MSRA: variants seen among roughly 807,000 people sequenced by gnomAD.
MSRA encodes mitochondrial peptide methionine sulfoxide reductase.
MSRA carries 54 observed loss-of-function variants against 31.3 expected under a neutral mutation model. That is an observed-to-expected ratio of 1.73 (90% CI 1.39 to 2.17). MSRA has a LOEUF of 2.17. Among genes scored for constraint, MSRA ranks in the 30% most tolerant of loss-of-function variants. The pLI is 0.00. For synonymous variants in MSRA, 169 were observed against 116.5 expected (o/e 1.45, Z -2.90); for missense variants, 507 against 300.9 (o/e 1.69, Z -5.07).
intron 5 of MSRA, among the ~76,000 whole-genome samples, chr8:10,326,207 G>C (rs1393498183): frequency 6.6e-6 from 1 of 152,196 alleles, no homozygotes; most frequent in Non-Finnish European, 1.5e-5. Context: ...AGCTTCTTCA[G>C]CAGCTTCTTT....
At chr8:10,116,774 C>A (rs1461990295) in intron 1 of MSRA, among the ~76,000 whole-genome samples, 1 of 152,064 alleles carries the variant, frequency 6.6e-6, no homozygotes, top group South Asian at 2.1e-4. Flanking sequence ...GTGAGACCAG[C>A]CTGACCAACA....
chr8:10,242,945 A>T (rs1339692361), intron 2 of MSRA, among the ~76,000 whole-genome samples: 1 of 152,180 alleles, frequency 6.6e-6, no homozygotes, highest in Non-Finnish European at 1.5e-5. Flanking sequence ...GCCCACCTGC[A>T]TCCTGGTCAT....
intron 3 of MSRA, among the ~76,000 whole-genome samples, chr8:10,255,851 T>G (rs1356535050): frequency 6.6e-6 from 1 of 151,958 alleles, no homozygotes; most frequent in East Asian, 1.9e-4. Context: ...CTGTTTTTTG[T>G]TTAAAGAGCA....
At chr8:10,409,246 T>G (rs1808009944) in intron 5 of MSRA, among the ~76,000 whole-genome samples, 1 of 152,266 alleles carries the variant, frequency 6.6e-6, no homozygotes, top group African/African-American at 2.4e-5. Flanking sequence ...TTTTTGACTT[T>G]TTAATAGTAG....
intron 5 of MSRA, among the ~76,000 whole-genome samples, chr8:10,360,972 T>C (rs1056562662): frequency 1.3e-5 from 2 of 152,220 alleles, no homozygotes; most frequent in Admixed American, 1.3e-4. Context: ...CAGCAGTCAC[T>C]TGTCTGCTTC....
chr8:10,079,849 G>C (rs1246058431), intron 1 of MSRA, among the ~76,000 whole-genome samples: 1 of 152,122 alleles, frequency 6.6e-6, no homozygotes, highest in Admixed American at 6.5e-5. Context: ...CTATTAATTT[G>C]CTGTGCAGCT....
intron 1 of MSRA, among the ~76,000 whole-genome samples, chr8:10,104,341 A>G (rs1171220268): frequency 2.6e-5 from 4 of 152,212 alleles, no homozygotes; most frequent in Admixed American, 6.5e-5. Context: ...AAGGTTAAGG[A>G]TGCATCTGTG....
At chr8:10,095,132 G>A (rs1417392558) in intron 1 of MSRA, among the ~76,000 whole-genome samples, 1 of 152,174 alleles carries the variant, frequency 6.6e-6, no homozygotes, top group African/African-American at 2.4e-5. Context: ...TTTGCGGCAG[G>A]ACAAGGAAAA....
chr8:10,319,751 A>G, intron 4 of MSRA, 132 bp from the exon 5 acceptor site: 1 of 448,032 alleles, frequency 2.2e-6, no homozygotes, highest in East Asian at 3.5e-5. Context: ...GAAAATTAAA[A>G]CAAGCACTTA....
At position 10,357,217 on chromosome 8, in the gene MSRA, G is replaced by A. The variant is rs577060601; in HGVS notation, c.543+37228G>A. On this transcript the variant is annotated intron_variant, in intron 5 of 5. Transcript: ENST00000317173. The stretch of plus-strand genomic sequence containing the variant: ...TTGCTTTACTGAGAGTTGCAAAATC[G>A]TATTATTTCAACTCTATGAATTTGT... 1.6e-4 allele frequency among the ~76,000 whole-genome samples: 24 copies of A among 152,314 alleles called. No individual in the cohort carries two copies. In the South Asian group the frequency reaches 2.9e-3, roughly 18 times the overall value.
At chr8:10,165,678 CAT>C (rs2129044119) in intron 1 of MSRA, among the ~76,000 whole-genome samples, 1 of 152,274 alleles carries the variant, frequency 6.6e-6, no homozygotes, top group Non-Finnish European at 1.5e-5. Flanking sequence ...AATCAGGACA[CAT>C]AGTCTTGTAA....
At position 10,151,629 on chromosome 8, in the gene MSRA, G is replaced by A. The variant is rs542160586; in HGVS notation, c.143-56204G>A. Among the ~76,000 whole-genome samples the A allele has an allele frequency of 2.6e-5, 4 of 152,312 alleles. No homozygotes were observed. The South Asian group carries it at 6.2e-4, about 24-fold the overall frequency. On this transcript the variant is annotated intron_variant, in intron 1 of 5. Coordinates refer to ENST00000317173, the MANE Select transcript of MSRA (RefSeq NM_012331.5). ...CGCGCCACTGCACTCCAGCCTGGGC[G>A]ACAGAGTGAGACTGTGTCTCAAAAA...
chr8:10,148,731 G>C (rs1803381917), intron 1 of MSRA, among the ~76,000 whole-genome samples: 2 of 141,150 alleles, frequency 1.4e-5, no homozygotes, highest in South Asian at 2.5e-4. Flanking sequence ...GAACCCAGGA[G>C]GTCAGGGCTG....
intron 1 of MSRA, among the ~76,000 whole-genome samples, chr8:10,159,658 G>A (rs990461219): frequency 6.6e-6 from 1 of 152,178 alleles, no homozygotes; most frequent in African/African-American, 2.4e-5. Flanking sequence ...TAAATTTTGT[G>A]TATTGCAGTG....
intron 5 of MSRA, among the ~76,000 whole-genome samples, chr8:10,394,507 G>C (rs924734604): frequency 2.0e-5 from 3 of 152,216 alleles, no homozygotes; most frequent in East Asian, 1.9e-4. Context: ...TTTCAGTTCT[G>C]ACAGCCCTTT....
intron 3 of MSRA, among the ~76,000 whole-genome samples, chr8:10,284,683 T>C (rs1417096685): frequency 6.6e-6 from 1 of 152,184 alleles, no homozygotes; most frequent in Non-Finnish European, 1.5e-5. Context: ...GTGAAGATTC[T>C]GGAGCTACAT....
At chr8:10,337,541 G>A (rs1335630524) in intron 5 of MSRA, 4 of 599,190 alleles carry the variant, frequency 6.7e-6, no homozygotes, top group South Asian at 2.0e-5. Flanking sequence ...ACAGAAAGCA[G>A]CATTAAGTCT....
intron 2 of MSRA, among the ~76,000 whole-genome samples, chr8:10,222,867 T>C (rs187474233): frequency 5.5e-4 from 84 of 152,314 alleles, no homozygotes; most frequent in Admixed American, 1.4e-3. Context: ...AAAGTTTCAA[T>C]TGGACCTGAA....
At chr8:10,225,652 T>G (rs1037856387) in intron 2 of MSRA, among the ~76,000 whole-genome samples, 1 of 152,210 alleles carries the variant, frequency 6.6e-6, no homozygotes. Flanking sequence ...AAAACTTCTT[T>G]GGGCTTTAGC....
Sources: allele counts gnomAD v4.1 joint callset (sites outside exome capture counted in the v4.1 genomes callset), GRCh38; gene constraint gnomAD v4.1.1; transcripts MANE v1.5; gene names NCBI Gene and HGNC (gene_info 2026-07-23, HGNC 2026-07-21).